The following CACNA1I variants were observed in gnomAD, a reference collection of about 807,000 sequenced individuals.
The protein encoded by CACNA1I is voltage-dependent T-type calcium channel subunit alpha-1I.
In CACNA1I, 74 loss-of-function variants were observed where a neutral mutation model predicts 201.6. The ratio of observed to expected loss-of-function variants is 0.37; its 90% CI spans 0.30 to 0.45. CACNA1I has a LOEUF of 0.45. Ranked by LOEUF, CACNA1I falls within the 20% of genes least tolerant of loss-of-function variation. The pLI, the probability that CACNA1I is intolerant of heterozygous loss-of-function variation, is 1.00. For synonymous variants in CACNA1I, 1,431 were observed against 1,345.2 expected (o/e 1.06, Z -1.40); for missense variants, 2,346 against 3,138.1 (o/e 0.75, Z 6.03).
chr22:39,656,610 T>A (rs911135665), intron 10 of CACNA1I: 7 of 518,778 alleles, frequency 1.3e-5, no homozygotes, highest in Non-Finnish European at 2.7e-5. Flanking sequence ...GCCCAGCACA[T>A]CATGTCATTC....
chr22:39,640,678 GGGCCAGTGGGGGTTTTCAT>G (rs918564795), intron 5 of CACNA1I, among the ~76,000 whole-genome samples, 170 bp from the exon 6 acceptor site: 1 of 152,212 alleles, frequency 6.6e-6, no homozygotes, highest in African/African-American at 2.4e-5. Flanking sequence ...GGACCACAGT[GGGCCAGTGGGGGTTTTCAT>G]GGCCATAACA....
intron 1 of CACNA1I, among the ~76,000 whole-genome samples, chr22:39,581,053 C>T (rs1932531890): frequency 6.6e-6 from 1 of 152,194 alleles, no homozygotes; most frequent in Admixed American, 6.5e-5. Flanking sequence ...GAATCACACT[C>T]TTGTGAAGGA....
At position 39,679,378 on chromosome 22, in the gene CACNA1I, C is replaced by T. The variant is rs770515932; in HGVS notation, c.5327C>T (p.Pro1776Leu). 57 of 1,515,512 alleles carry T rather than the reference C, an allele frequency of 3.8e-5. No homozygotes were observed. The highest frequency in any genetic ancestry group is 4.5e-5 in the Non-Finnish European group (51 of 1,136,804). The allele number at this position is 1,515,512 out of a possible 1,614,324, so 93.9% of individuals were successfully genotyped here. The change falls in exon 32 of 37, where the codon CCG (proline) becomes CTG (leucine). Residue 1776 changes from proline (P) to leucine (L), a missense_variant. Physicochemically the swap from Pro to Leu is moderately conservative, Grantham distance 98. Around this residue, in one of 13 missense-constraint regions of CACNA1I, gnomAD observed 441 missense variants for 555.6 expected, o/e 0.79. Transcript: ENST00000402142. Reference protein sequence around the residue: ...TGSPGAPGRGPGGAGGGGDTE... With the variant: ...TGSPGAPGRGLGGAGGGGDTE... ...TCCCCGGGCGCCCCTGGCCGAGGGCCGGGAGGGGCGGGCGGCGGGGGCGAC... is the reference window on the plus strand; with the variant it reads ...TCCCCGGGCGCCCCTGGCCGAGGGCTGGGAGGGGCGGGCGGCGGGGGCGAC...
intron 3 of CACNA1I, among the ~76,000 whole-genome samples, chr22:39,615,471 C>T (rs748215017): frequency 1.6e-4 from 24 of 152,044 alleles, no homozygotes; most frequent in Non-Finnish European, 2.8e-4. Context: ...GAGGGTGATC[C>T]GGGCTAGGAC....
rs1321834297 is a variant in CACNA1I at position 39,648,655 on chromosome 22, G to A, written c.1567+729G>A. On this transcript the variant is annotated intron_variant, in intron 9 of 36. Transcript: ENST00000402142. The surrounding 1 kb of genome is among the most constrained non-coding windows in gnomAD (Gnocchi z 5.4). ...GCAAGTGTGGAAATGAAGGGTAGGC[G>A]TGACATGCTTTTCTTTCCCTTTCAT... Among the ~76,000 whole-genome samples the A allele has an allele frequency of 6.6e-6, 1 of 152,130 alleles. No individual in the cohort carries two copies. The highest frequency in any genetic ancestry group is 2.4e-5 in the African/African-American group (1 of 41,408).
rs563774667 is a variant in CACNA1I at position 39,666,041 on chromosome 22, C to T, written c.4104+35C>T. ...ACCGTCCTAGCCCTGATCAGACCCT[C>T]CCCTCTCTTGGATGCCAGTGGCTCT... On this transcript the variant is annotated intron_variant, in intron 23 of 36. Coordinates refer to ENST00000402142, the MANE Select transcript of CACNA1I (RefSeq NM_021096.4). This position sits in a 1 kb window ranked among gnomAD's most constrained non-coding sequence, Gnocchi z 4.1. The T allele has an allele frequency of 2.5e-6, 4 of 1,599,480 alleles. No homozygotes were observed. In the East Asian group the frequency reaches 9.1e-5, roughly 36 times the overall value.
Position 39,665,355 on chromosome 22 carries a change from C to T in CACNA1I, c.3852-143C>T, listed in dbSNP as rs751352400. 4.2e-6 allele frequency: 4 copies of T among 952,294 alleles called. No individual in the cohort carries two copies. Among genetic ancestry groups the T allele is most frequent in the Admixed American group, 2.7e-5 (1 of 36,714 alleles). The allele number at this position is 952,294 out of a possible 1,614,324, so 59.0% of individuals were successfully genotyped here. On this transcript the variant is annotated intron_variant, in intron 21 of 36. Transcript: ENST00000402142. The surrounding 1 kb of genome is among the most constrained non-coding windows in gnomAD (Gnocchi z 5.5). ...TTTCTCTGCATTCCTGGAGACTGTCCTCATGCCCCAGGGTGTTCAGCCCTG... is the reference window on the plus strand; with the variant it reads ...TTTCTCTGCATTCCTGGAGACTGTCTTCATGCCCCAGGGTGTTCAGCCCTG...
intron 10 of CACNA1I, among the ~76,000 whole-genome samples, chr22:39,655,979 T>C (rs1056656837): frequency 6.6e-6 from 1 of 152,176 alleles, no homozygotes; most frequent in African/African-American, 2.4e-5. Flanking sequence ...CGCCTACAGC[T>C]TTCATCTCCG....
chr22:39,653,295 G>T (rs576131631), intron 10 of CACNA1I, among the ~76,000 whole-genome samples: 2 of 152,152 alleles, frequency 1.3e-5, no homozygotes, highest in Non-Finnish European at 1.5e-5. Flanking sequence ...TAAAGTAAGA[G>T]GGGGAGGATG....
At chr22:39,590,815 A>C (rs1569050459) in intron 1 of CACNA1I, among the ~76,000 whole-genome samples, 1 of 152,180 alleles carries the variant, frequency 6.6e-6, no homozygotes, top group Non-Finnish European at 1.5e-5. Context: ...GACCCTGCTC[A>C]TTGCTAGGCC....
In CACNA1I at chr22:39,685,411, G is replaced by A. The variant is rs1935829941; in HGVS notation, c.6028-350G>A. On this transcript the variant is annotated intron_variant, in intron 36 of 36. Coordinates refer to ENST00000402142, the MANE Select transcript of CACNA1I (RefSeq NM_021096.4). This position sits in a 1 kb window ranked among gnomAD's most constrained non-coding sequence, Gnocchi z 5.0. ...GAACCAGTGGGAGCAGCCAAGGCTGGGGCCGCGTCAGACCATGGGGGGTGC... is the reference window on the plus strand; with the variant it reads ...GAACCAGTGGGAGCAGCCAAGGCTGAGGCCGCGTCAGACCATGGGGGGTGC... Among the ~76,000 whole-genome samples the A allele has an allele frequency of 6.7e-6, 1 of 150,004 alleles. No homozygotes were observed. The highest frequency in any genetic ancestry group is 1.5e-5 in the Non-Finnish European group (1 of 67,166).
intron 5 of CACNA1I, among the ~76,000 whole-genome samples, chr22:39,640,289 T>C (rs1315194333): frequency 1.3e-5 from 2 of 152,210 alleles, no homozygotes; most frequent in East Asian, 3.9e-4. Context: ...CTCAGGAGGC[T>C]GAGACAGGAG....
At chr22:39,673,641 C>T (rs911012829) in intron 28 of CACNA1I, among the ~76,000 whole-genome samples, 3 of 152,198 alleles carry the variant, frequency 2.0e-5, no homozygotes, top group African/African-American at 7.2e-5. Context: ...GATGTGGCCA[C>T]TCACGCTGGT....
At chr22:39,598,063 TG>T in intron 1 of CACNA1I, 87 bp from the exon 2 acceptor site, 1 of 719,030 alleles carries the variant, frequency 1.4e-6, no homozygotes, top group Non-Finnish European at 2.5e-6. Context: ...CCTGTGTGTG[TG>T]GTGGGTTGCG....
intron 10 of CACNA1I, among the ~76,000 whole-genome samples, chr22:39,653,529 G>A (rs1934718849): frequency 6.6e-6 from 1 of 152,190 alleles, no homozygotes; most frequent in African/African-American, 2.4e-5. Context: ...GGGGTGCAGG[G>A]AGAGAAGGAG....
At chr22:39,679,903 C>A in intron 33 of CACNA1I, 35 bp downstream of exon 33, 1 of 1,593,544 alleles carries the variant, frequency 6.3e-7, no homozygotes, top group Non-Finnish European at 8.5e-7. Context: ...CCCCTTGTGG[C>A]AGGGGCAGCA....
chr22:39,646,527 A>G (rs1569077784), intron 7 of CACNA1I, 42 bp from the exon 8 acceptor site: 2 of 1,501,438 alleles, frequency 1.3e-6, no homozygotes, highest in African/African-American at 1.4e-5. Flanking sequence ...TGTCCCCTCC[A>G]TCCCTGTCCC....
intron 1 of CACNA1I, among the ~76,000 whole-genome samples, chr22:39,578,572 C>T (rs1383321669): frequency 6.6e-6 from 1 of 152,070 alleles, no homozygotes; most frequent in African/African-American, 2.4e-5. Context: ...TGGCAGTCAC[C>T]TCTCCCCTGG....
At chr22:39,664,624 C>G (rs987061295) in intron 20 of CACNA1I, 115 bp from the exon 21 acceptor site, 6 of 459,036 alleles carry the variant, frequency 1.3e-5, no homozygotes, top group Non-Finnish European at 2.4e-5. Flanking sequence ...GGACCCCGCC[C>G]CCTCCCCGAA....
Sources: allele counts gnomAD v4.1 joint callset (sites outside exome capture counted in the v4.1 genomes callset), GRCh38; gene constraint gnomAD v4.1.1; regional missense constraint gnomAD v4.1.1; non-coding constraint Gnocchi (gnomAD v3.1); transcripts MANE v1.5; gene names NCBI Gene and HGNC (gene_info 2026-07-23, HGNC 2026-07-21).